GARNL3: variants seen among roughly 807,000 people sequenced by gnomAD.
GARNL3 encodes the protein GTPase activating Rap/RanGAP domain like 3.
Under a neutral mutation model 125.0 loss-of-function variants are expected in GARNL3, and 63 were observed. The ratio of observed to expected loss-of-function variants is 0.50; its 90% CI spans 0.41 to 0.62. The LOEUF is 0.62. Ranked by LOEUF, GARNL3 falls within the 20% of genes least tolerant of loss-of-function variation. GARNL3 has a pLI of 0.00. For synonymous variants in GARNL3, 439 were observed against 457.5 expected (o/e 0.96, Z 0.52); for missense variants, 994 against 1,244.0 (o/e 0.80, Z 3.02).
chr9:127,249,637 A>T (rs2063365369), intron 2 of GARNL3, among the ~76,000 whole-genome samples: 1 of 152,224 alleles, frequency 6.6e-6, no homozygotes, highest in African/African-American at 2.4e-5. Context: ...CAGCATCATT[A>T]GTAATAGAAA....
Position 127,338,884 on chromosome 9 carries a change from A to G in GARNL3, c.1028+723A>G, listed in dbSNP as rs991633522. Among the ~76,000 whole-genome samples, 5 of 152,346 alleles carry G rather than the reference A, an allele frequency of 3.3e-5. No individual in the cohort carries two copies. The South Asian group carries it at 1.0e-3, about 32-fold the overall frequency. On this transcript the variant is annotated intron_variant, in intron 12 of 27. Transcript: ENST00000373387. ...GCAGACCAGAGAAGGCACTCCTGGC[A>G]TGGAGCAAATATTCCTGACACATCC...
intron 1 of GARNL3, among the ~76,000 whole-genome samples, chr9:127,274,545 A>G (rs745549226): frequency 3.3e-5 from 5 of 151,988 alleles, no homozygotes; most frequent in African/African-American, 1.2e-4. Context: ...CATTCCTGTG[A>G]CACTCAAGGC....
intron 21 of GARNL3, among the ~76,000 whole-genome samples, chr9:127,360,177 C>A (rs946016820): frequency 2.0e-5 from 3 of 152,258 alleles, no homozygotes; most frequent in African/African-American, 7.2e-5. Context: ...GCACAGCCAC[C>A]ATGCCCAGCT....
Position 127,306,555 on chromosome 9 carries a change from G to A in GARNL3, c.220-5081G>A, listed in dbSNP as rs191385522. On this transcript the variant is annotated intron_variant, in intron 2 of 27. Transcript: ENST00000373387. ...ATCCTGGCTAACACGGTGAAACCCCGTCTCTACTAAAAATACAAAAAATTA... is the reference window on the plus strand; with the variant it reads ...ATCCTGGCTAACACGGTGAAACCCCATCTCTACTAAAAATACAAAAAATTA... 6.7e-3 allele frequency among the ~76,000 whole-genome samples: 1,013 copies of A among 152,168 alleles called. 40 individuals carry two copies. The highest frequency in any genetic ancestry group is 9.1e-3 in the Non-Finnish European group (618 of 67,990).
chr9:127,357,187 C>T (rs1290360627), intron 20 of GARNL3, 32 bp from the exon 21 acceptor site: 1 of 1,611,390 alleles, frequency 6.2e-7, no homozygotes, highest in Non-Finnish European at 8.5e-7. Flanking sequence ...CTGTTCTCAC[C>T]CCTGTCTCTT....
rs138668357 is a variant in GARNL3 at position 127,336,237 on chromosome 9, G to A, written c.982+1G>A. On this transcript the variant is annotated splice_donor_variant, in intron 11 of 27. Transcript: ENST00000373387. LOFTEE classifies it high-confidence loss of function. Reference sequence around the variant, plus strand: ...TCCATGATCCGCTCCCACTTTACACGTATCCTGGGCCTTTGTAAATGCTCC... The same window carrying A: ...TCCATGATCCGCTCCCACTTTACACATATCCTGGGCCTTTGTAAATGCTCC... 2.2e-5 allele frequency: 35 copies of A among 1,604,372 alleles called. No homozygotes were observed. The highest frequency in any genetic ancestry group is 2.8e-5 in the Non-Finnish European group (33 of 1,171,654).
intron 1 of GARNL3, among the ~76,000 whole-genome samples, chr9:127,283,993 A>T (rs189350995): frequency 0.01 from 1,571 of 152,328 alleles, 15 homozygotes; most frequent in Non-Finnish European, 0.017. Context: ...AAACATATCC[A>T]TCAAAATGAA....
At position 127,353,931 on chromosome 9, in the gene GARNL3, CAG is replaced by C; in HGVS notation, c.1632_1633del (p.Arg544SerfsTer22). On this transcript the variant is annotated frameshift_variant, in exon 18 of 28. Coordinates refer to ENST00000373387, the MANE Select transcript of GARNL3 (RefSeq NM_032293.5). LOFTEE classifies it high-confidence loss of function. ...TTGAGACCCTGGACCTTCTGGTTCT[CAG>C]AGCAGACAAAGGTGGTATTCCCTGC... ...VLETLDLLVL[R>X]ADKGKDARLF... The C allele has an allele frequency of 6.2e-7, 1 of 1,611,214 alleles. No homozygotes were observed. The highest frequency in any genetic ancestry group is 8.5e-7 in the Non-Finnish European group (1 of 1,177,366).
At chr9:127,288,117 C>A (rs1041138171) in intron 1 of GARNL3, among the ~76,000 whole-genome samples, 1 of 152,116 alleles carries the variant, frequency 6.6e-6, no homozygotes, top group Non-Finnish European at 1.5e-5. Flanking sequence ...GCGGAGAGAG[C>A]GCCTGAGGAA....
chr9:127,276,739 C>T (rs2063967450), intron 1 of GARNL3, among the ~76,000 whole-genome samples: 1 of 152,232 alleles, frequency 6.6e-6, no homozygotes, highest in Non-Finnish European at 1.5e-5. Flanking sequence ...CACACATAGC[C>T]ATGTCCCAGT....
At chr9:127,238,905 C>T (rs2063157216) in intron 1 of GARNL3, among the ~76,000 whole-genome samples, 1 of 152,166 alleles carries the variant, frequency 6.6e-6, no homozygotes, top group East Asian at 1.9e-4. Context: ...GGTGGAACCA[C>T]CTAGACTCCC....
chr9:127,302,984 A>T (rs1564898606), intron 2 of GARNL3, among the ~76,000 whole-genome samples: 3 of 151,986 alleles, frequency 2.0e-5, no homozygotes, highest in African/African-American at 4.8e-5. Context: ...ACCCCGTCTC[A>T]ACTAAAAATA....
chr9:127,285,229 T>A (rs2064214619), intron 1 of GARNL3, among the ~76,000 whole-genome samples: 1 of 152,156 alleles, frequency 6.6e-6, no homozygotes, highest in Non-Finnish European at 1.5e-5. Flanking sequence ...GTCGGGAGTT[T>A]GAGACCAGCC....
At chr9:127,227,184 C>T (rs1024664218) in intron 1 of GARNL3, among the ~76,000 whole-genome samples, 9 of 152,334 alleles carry the variant, frequency 5.9e-5, no homozygotes, top group Middle Eastern at 3.4e-3. Flanking sequence ...GTCTTCATAA[C>T]CTTACACCTG....
chr9:127,328,261 A>T (rs1301238301), intron 7 of GARNL3, among the ~76,000 whole-genome samples: 2 of 152,144 alleles, frequency 1.3e-5, no homozygotes, highest in African/African-American at 4.8e-5. Context: ...GTCACTTGTC[A>T]TGACATCTTG....
At chr9:127,294,006 T>C (rs1182134171) in intron 2 of GARNL3, among the ~76,000 whole-genome samples, 1 of 152,050 alleles carries the variant, frequency 6.6e-6, no homozygotes, top group Non-Finnish European at 1.5e-5. Flanking sequence ...TTCCTTGTAG[T>C]TTTTGGTGGT....
In GARNL3 at chr9:127,387,223, G is replaced by A. The variant is rs1442783611; in HGVS notation, c.2419G>A (p.Val807Met). Residue 807 changes from valine (V) to methionine (M), a missense_variant, in exon 25 of 28, where the codon GTG (valine) becomes ATG (methionine). Val to Met is a conservative substitution (Grantham distance 21). Coordinates refer to ENST00000373387, the MANE Select transcript of GARNL3 (RefSeq NM_032293.5). ...SDIYFTATAA[V>M]NEVSSGGSSK... is the part of the protein sequence containing the mutation. ...TATATACTTCACAGCAACTGCAGCT[G>A]TGAATGAGGTCTCATCTGGAGGCAG... is the stretch of plus-strand genomic sequence containing the variant. The A allele has an allele frequency of 6.2e-7, 1 of 1,614,040 alleles. No individual in the cohort carries two copies. Among genetic ancestry groups the A allele is most frequent in the Non-Finnish European group, 8.5e-7 (1 of 1,179,980 alleles).
chr9:127,262,936 G>T (rs1273435642), upstream of GARNL3, among the ~76,000 whole-genome samples: 1 of 152,196 alleles, frequency 6.6e-6, no homozygotes, highest in African/African-American at 2.4e-5. Context: ...GAAGAGGGAA[G>T]TGGCTAGGTC....
intron 20 of GARNL3, among the ~76,000 whole-genome samples, chr9:127,356,853 G>A (rs1830715901): frequency 6.6e-6 from 1 of 152,196 alleles, no homozygotes; most frequent in South Asian, 2.1e-4. Context: ...ACAGTGCCTA[G>A]CACATGTTAA....
Sources: gnomAD v4.1 joint callset for allele counts (sites outside exome capture counted in the v4.1 genomes callset) on GRCh38, gnomAD v4.1.1 for gene constraint, MANE v1.5 for transcripts, NCBI Gene and HGNC (gene_info 2026-07-23, HGNC 2026-07-21) for gene names.